Variants in RIMBP2 observed in about 807,000 individuals in gnomAD.
The protein encoded by RIMBP2 is RIMS-binding protein 2.
In RIMBP2, 48 loss-of-function variants were observed where a neutral mutation model predicts 118.6. That is an observed-to-expected ratio of 0.40 (90% CI 0.32 to 0.51). RIMBP2 has a LOEUF of 0.51. Among genes scored for constraint, RIMBP2 ranks in the 20% least tolerant of loss-of-function variants. The pLI, the probability that RIMBP2 is intolerant of heterozygous loss-of-function variation, is 0.41. For synonymous variants in RIMBP2, 762 were observed against 742.9 expected, an observed-to-expected ratio of 1.03 and a Z score of -0.42; for missense variants, 1,551 against 1,768.3, an observed-to-expected ratio of 0.88 and a Z score of 2.20.
chr12:130,570,370 G>A (rs377228305), intron 2 of RIMBP2, among the ~76,000 whole-genome samples: 2 of 150,578 alleles, frequency 1.3e-5, no homozygotes, highest in East Asian at 2.0e-4. Context: ...AGGTTGCAGT[G>A]AGCTGAGATC....
chr12:130,561,403 C>A (rs905444673), intron 2 of RIMBP2, among the ~76,000 whole-genome samples: 1 of 152,086 alleles, frequency 6.6e-6, no homozygotes, highest in Non-Finnish European at 1.5e-5. Context: ...GAAGCTAGGC[C>A]CAGGTCAGTG....
At chr12:130,528,394 A>G (rs879876460) in intron 2 of RIMBP2, among the ~76,000 whole-genome samples, 2 of 152,222 alleles carry the variant, frequency 1.3e-5, no homozygotes, top group African/African-American at 4.8e-5. Context: ...GAGCTGAATG[A>G]TGAGAAGAGA....
chr12:130,497,495 C>G lies in RIMBP2; in HGVS notation c.-4+9153G>C, dbSNP rs147059185. Among the ~76,000 whole-genome samples, 39 of 152,320 alleles carry G rather than the reference C, an allele frequency of 2.6e-4. No individual in the cohort carries two copies. The East Asian group carries it at 7.6e-3, about 30-fold the overall frequency. ...CTGTCGCTCTACCGCATCCGACGAA[C>G]AGAACTGTCTCACGGGCCATGGGAG... On this transcript the variant is annotated intron_variant, in intron 4 of 22. Coordinates refer to ENST00000690449, the MANE Select transcript of RIMBP2 (RefSeq NM_001393629.1).
chr12:130,508,414 G>A (rs1379451395), intron 3 of RIMBP2, among the ~76,000 whole-genome samples: 3 of 151,774 alleles, frequency 2.0e-5, no homozygotes, highest in Non-Finnish European at 4.4e-5. Context: ...GGACACCCTG[G>A]CCTCCTTCTG....
intron 4 of RIMBP2, among the ~76,000 whole-genome samples, chr12:130,495,464 T>C (rs1403180815): frequency 1.3e-5 from 2 of 152,194 alleles, no homozygotes; most frequent in Admixed American, 6.5e-5. Context: ...CAGGGTGCCC[T>C]GCGCTCCCCT....
chr12:130,426,017 C>G (rs2076763843), intron 15 of RIMBP2: 2 of 152,302 alleles, frequency 1.3e-5, no homozygotes, highest in African/African-American at 2.4e-5. Context: ...AGCACATCAG[C>G]TAATATTGGA....
chr12:130,423,554 G>A (rs1040262924), intron 16 of RIMBP2, among the ~76,000 whole-genome samples: 1 of 151,832 alleles, frequency 6.6e-6, no homozygotes, highest in Non-Finnish European at 1.5e-5. Flanking sequence ...AAGCCCAGAC[G>A]GCAGGGCCGG....
At chr12:130,485,860 G>C (rs1466006248) in intron 4 of RIMBP2, among the ~76,000 whole-genome samples, 1 of 152,168 alleles carries the variant, frequency 6.6e-6, no homozygotes, top group Non-Finnish European at 1.5e-5. Flanking sequence ...AACAAGTACA[G>C]GGAAGAAGTC....
chr12:130,665,199 G>C (rs570070314), intron 1 of RIMBP2, among the ~76,000 whole-genome samples: 1 of 151,740 alleles, frequency 6.6e-6, no homozygotes, highest in East Asian at 1.9e-4. Flanking sequence ...GAAATCACGT[G>C]TTTCCTGATG....
chr12:130,566,962 G>A (rs1348936487), intron 2 of RIMBP2, among the ~76,000 whole-genome samples: 3 of 152,108 alleles, frequency 2.0e-5, no homozygotes, highest in Non-Finnish European at 2.9e-5. Context: ...CTACAGCTTC[G>A]ATGGTTAGGG....
intron 1 of RIMBP2, among the ~76,000 whole-genome samples, chr12:130,700,009 C>T (rs947033039): frequency 3.3e-5 from 5 of 150,914 alleles, no homozygotes; most frequent in East Asian, 2.0e-4. Context: ...CCTAATTCTA[C>T]GTAGGCCAAA....
chr12:130,619,910 G>A (rs11061040), intron 2 of RIMBP2, among the ~76,000 whole-genome samples: 30,563 of 152,150 alleles, frequency 0.2, 3,832 homozygotes, highest in African/African-American at 0.36. Context: ...GGGCAAAGAG[G>A]TGGCCCTGCA....
At chr12:130,436,669 C>T (rs1566029297) in intron 13 of RIMBP2, among the ~76,000 whole-genome samples, 173 bp downstream of exon 13, 1 of 152,256 alleles carries the variant, frequency 6.6e-6, no homozygotes, top group African/African-American at 2.4e-5. Context: ...CCATTTAACT[C>T]AGTCAGGATC....
intron 3 of RIMBP2, among the ~76,000 whole-genome samples, chr12:130,514,099 A>G (rs1202142035): frequency 6.6e-6 from 1 of 152,206 alleles, no homozygotes; most frequent in Admixed American, 6.5e-5. Context: ...CCATGCAGGT[A>G]GCCAGCCCAG....
At chr12:130,510,740 A>G (rs1437461817) in intron 3 of RIMBP2, among the ~76,000 whole-genome samples, 1 of 152,200 alleles carries the variant, frequency 6.6e-6, no homozygotes, top group Non-Finnish European at 1.5e-5. Flanking sequence ...AAGTGCTGGA[A>G]TTACAGATGT....
chr12:130,413,337 C>T (rs1322291315), intron 18 of RIMBP2, among the ~76,000 whole-genome samples: 2 of 152,200 alleles, frequency 1.3e-5, no homozygotes, highest in East Asian at 1.9e-4. Flanking sequence ...ACTCACAAGG[C>T]TCCTCTCCTC....
At position 130,438,616 on chromosome 12, in the gene RIMBP2, G is replaced by A. The variant is rs754120728; in HGVS notation, c.1505-100C>T. ...ATCTCACCTGGAAACGAGATCATTC[G>A]GTAAAGTCGCCAGGGAAAAAGAGAA... On this transcript the variant is annotated intron_variant, in intron 11 of 22. Coordinates refer to ENST00000690449, the MANE Select transcript of RIMBP2 (RefSeq NM_001393629.1). The A allele has an allele frequency of 1.7e-4, 192 of 1,143,820 alleles. No individual in the cohort carries two copies. The Middle Eastern group carries it at 3.4e-3, about 20-fold the overall frequency. 70.9% of individuals were successfully genotyped at this position (1,143,820 alleles called of 1,614,324 possible). A position where few individuals can be genotyped will look rare whatever the true frequency, so the allele number is the denominator to read the frequency against.
intron 1 of RIMBP2, among the ~76,000 whole-genome samples, chr12:130,666,879 G>A (rs1361295766): frequency 7.5e-6 from 1 of 133,428 alleles, no homozygotes; most frequent in Non-Finnish European, 1.6e-5. Context: ...AGAGAAGGAA[G>A]AAGGGAAGGA....
intron 18 of RIMBP2, among the ~76,000 whole-genome samples, chr12:130,413,685 A>G (rs1042236620): frequency 6.7e-6 from 1 of 149,950 alleles, no homozygotes; most frequent in Admixed American, 6.7e-5. Context: ...GATAGGAAAC[A>G]ACCTCCATCA....
Sources: gnomAD v4.1 joint callset for allele counts (sites outside exome capture counted in the v4.1 genomes callset) on GRCh38, gnomAD v4.1.1 for gene constraint, MANE v1.5 for transcripts, NCBI Gene and HGNC (gene_info 2026-07-23, HGNC 2026-07-21) for gene names.